Variants in SORBS2 observed in about 807,000 individuals in gnomAD.
SORBS2 encodes the protein sorbin and SH3 domain containing 2.
A neutral mutation model predicts 97.7 loss-of-function variants in SORBS2; 46 were observed. The observed-to-expected ratio is 0.47, with a 90% CI of 0.37 to 0.60. The LOEUF (loss-of-function observed/expected upper bound fraction) is 0.60. Ranked by LOEUF, SORBS2 falls within the 20% of genes least tolerant of loss-of-function variation. The probability of loss-of-function intolerance (pLI) is 0.00; values close to 1 mark genes in which losing one functional copy is unlikely to be tolerated. For synonymous variants in SORBS2, 476 were observed against 473.4 expected (o/e 1.01, Z -0.07); for missense variants, 1,316 against 1,282.3 (o/e 1.03, Z -0.40).
chr4:185,769,227 C>T (rs2098955361), intron 2 of SORBS2, among the ~76,000 whole-genome samples: 1 of 152,170 alleles, frequency 6.6e-6, no homozygotes, highest in Non-Finnish European at 1.5e-5. Context: ...GACCCAGATC[C>T]AAATGTGAAA....
At chr4:185,886,145 A>G (rs1308224807) in intron 1 of SORBS2, among the ~76,000 whole-genome samples, 1 of 152,238 alleles carries the variant, frequency 6.6e-6, no homozygotes, top group East Asian at 1.9e-4. Flanking sequence ...GCATTTAGGC[A>G]TAGTGACTTG....
intron 1 of SORBS2, among the ~76,000 whole-genome samples, chr4:185,904,520 A>G (rs1160177878): frequency 3.9e-5 from 6 of 152,166 alleles, no homozygotes; most frequent in Non-Finnish European, 8.8e-5. Context: ...CCTGTATGTA[A>G]TATCTCAAAG....
chr4:185,719,836 C>T (rs867398805), intron 2 of SORBS2, among the ~76,000 whole-genome samples: 4 of 152,238 alleles, frequency 2.6e-5, no homozygotes, highest in Admixed American at 6.5e-5. Context: ...GAGAAAGCTA[C>T]GTGTCCTCTT....
chr4:185,685,153 GTTTATACCA>G (rs976050598), intron 2 of SORBS2, among the ~76,000 whole-genome samples: 6 of 152,248 alleles, frequency 3.9e-5, no homozygotes, highest in East Asian at 1.9e-4. Flanking sequence ...ACTCAACTTT[GTTTATACCA>G]TTTAAATTCA....
At chr4:185,867,896 A>G (rs2648114) in intron 1 of SORBS2, among the ~76,000 whole-genome samples, 7,156 of 152,140 alleles carry the variant, frequency 0.047, 589 homozygotes, top group African/African-American at 0.16. Context: ...GCTAACCCTC[A>G]GGGGTCCCAC....
At chr4:185,615,217 C>CTAGCGAGGGTGTTGATCTTG in intron 9 of SORBS2, 58 bp from the exon 22 acceptor site, 1 of 1,003,402 alleles carries the variant, frequency 1.0e-6, no homozygotes, top group Non-Finnish European at 1.6e-6. Flanking sequence ...TTCTCAAGAT[C>CTAGCGAGGGTGTTGATCTTG]AACACCCTCG....
upstream of SORBS2, among the ~76,000 whole-genome samples, chr4:185,661,480 T>C (rs1411350189): frequency 2.0e-5 from 3 of 152,160 alleles, no homozygotes; most frequent in Non-Finnish European, 4.4e-5. Flanking sequence ...GCTCTATCTT[T>C]CACTGAATTC....
intron 2 of SORBS2, among the ~76,000 whole-genome samples, chr4:185,722,675 C>T (rs947430465): frequency 2.0e-5 from 3 of 152,144 alleles, no homozygotes; most frequent in Non-Finnish European, 2.9e-5. Context: ...TAAGGAACCT[C>T]CTCCTTCACA....
At chr4:185,702,305 C>A (rs1181915513) in intron 2 of SORBS2, among the ~76,000 whole-genome samples, 1 of 152,020 alleles carries the variant, frequency 6.6e-6, no homozygotes, top group African/African-American at 2.4e-5. Flanking sequence ...TTAAAGGGAG[C>A]CGGCGTGCAG....
chr4:185,896,761 C>T (rs1422247451), intron 1 of SORBS2, among the ~76,000 whole-genome samples: 1 of 152,018 alleles, frequency 6.6e-6, no homozygotes, highest in Non-Finnish European at 1.5e-5. Context: ...GAGCCATGTC[C>T]TCTGCAGAGA....
At chr4:185,619,531 C>G (rs1274390624) in intron 8 of SORBS2, among the ~76,000 whole-genome samples, 1 of 152,172 alleles carries the variant, frequency 6.6e-6, no homozygotes, top group African/African-American at 2.4e-5. Context: ...GAACTCTAGC[C>G]CCGGCTCAGG....
At chr4:185,893,646 CA>C (rs2099243567) in intron 1 of SORBS2, among the ~76,000 whole-genome samples, 1 of 152,148 alleles carries the variant, frequency 6.6e-6, no homozygotes, top group Non-Finnish European at 1.5e-5. Flanking sequence ...ATGGGAGTCC[CA>C]CAAACATGAG....
intron 2 of SORBS2, among the ~76,000 whole-genome samples, chr4:185,691,642 T>A (rs1208989057): frequency 5.3e-5 from 8 of 152,196 alleles, no homozygotes; most frequent in Admixed American, 4.6e-4. Context: ...ACAAAATCCA[T>A]CTCTGCATTA....
At chr4:185,595,766 CTTT>C (rs33913195) in intron 12 of SORBS2, among the ~76,000 whole-genome samples, 2 of 142,334 alleles carry the variant, frequency 1.4e-5, no homozygotes, top group African/African-American at 5.0e-5. Flanking sequence ...TTGGTCTAGT[CTTT>C]TTTTTTTTGC....
chr4:185,782,764 G>A (rs898403483), intron 1 of SORBS2, among the ~76,000 whole-genome samples: 3 of 124,948 alleles, frequency 2.4e-5, no homozygotes, highest in African/African-American at 8.2e-5. Context: ...GCCAAGTCAT[G>A]TCAACAGGAG....
chr4:185,721,924 AT>A (rs1213394228), intron 2 of SORBS2, among the ~76,000 whole-genome samples: 1 of 152,148 alleles, frequency 6.6e-6, no homozygotes, highest in African/African-American at 2.4e-5. Flanking sequence ...ACATATATAC[AT>A]TTTTTTCCAA....
chr4:185,657,438 T>C, upstream of SORBS2: 1 of 1,556,522 alleles, frequency 6.4e-7, no homozygotes. Flanking sequence ...CTAATTGCTG[T>C]GGGGATTCCG....
chr4:185,863,040 G>A (rs543053819), intron 1 of SORBS2, among the ~76,000 whole-genome samples: 12 of 152,332 alleles, frequency 7.9e-5, no homozygotes, highest in South Asian at 4.1e-4. Context: ...CAGTGGAGAG[G>A]TGGGACACGG....
At chr4:185,767,078 C>T (rs901177563) in intron 2 of SORBS2, among the ~76,000 whole-genome samples, 2 of 152,146 alleles carry the variant, frequency 1.3e-5, no homozygotes, top group Admixed American at 1.3e-4. Context: ...TTGGCACATT[C>T]ATGTCTTTCT....
Sources: allele counts gnomAD v4.1 joint callset (sites outside exome capture counted in the v4.1 genomes callset), GRCh38; gene constraint gnomAD v4.1.1; transcripts MANE v1.5; gene names NCBI Gene and HGNC (gene_info 2026-07-23, HGNC 2026-07-21).